The following SMG7 variants were observed in gnomAD, a reference collection of about 807,000 sequenced individuals.
SMG7 encodes SMG7 nonsense mediated mRNA decay factor.
Under a neutral mutation model 148.2 loss-of-function variants are expected in SMG7, and 34 were observed. That is an observed-to-expected ratio of 0.23 (90% CI 0.17 to 0.31). The LOEUF (loss-of-function observed/expected upper bound fraction) is 0.31. Ranked by LOEUF, SMG7 falls within the 10% of genes least tolerant of loss-of-function variation. The pLI, the probability that SMG7 is intolerant of heterozygous loss-of-function variation, is 1.00. For missense variants in SMG7, 1,114 were observed against 1,408.4 expected (o/e 0.79, Z 3.35); for synonymous variants, 492 against 515.1 (o/e 0.96, Z 0.61).
chr1:183,540,006 C>A (rs1262079722), intron 12 of SMG7, among the ~76,000 whole-genome samples: 1 of 152,192 alleles, frequency 6.6e-6, no homozygotes, highest in Non-Finnish European at 1.5e-5. Context: ...TGCTCAAGTT[C>A]CAGCACTATC....
rs373484222 is a variant in SMG7 at position 183,549,720 on chromosome 1, C to G, written c.2974-44C>G. On this transcript the variant is annotated intron_variant, in intron 19 of 22. Transcript: ENST00000688051. ...CAAGACATTGGATTTTCTCAAATCT[C>G]TTTCCTTGGGGTGAGTTTATAACTT... The G allele has an allele frequency of 3.9e-6, 6 of 1,548,088 alleles. No individual in the cohort carries two copies. The African/African-American group carries it at 4.1e-5, about 11-fold the overall frequency.
At position 183,544,465 on chromosome 1, in the gene SMG7, C is replaced by T; in HGVS notation, c.1955C>T (p.Pro652Leu). Reference protein sequence around the residue: ...SNSQFIPIHHPGAFPPLPSRP... With the variant: ...SNSQFIPIHHLGAFPPLPSRP... ...TCCCAGTTCATCCCCATTCATCACC[C>T]TGGAGCCTTCCCTCCTCTTCCCAGC... The change falls in exon 15 of 23, where the codon CCT (proline) becomes CTT (leucine). Residue 652 changes from proline (P) to leucine (L), a missense_variant. Around this residue, in one of 4 missense-constraint regions of SMG7, gnomAD observed 788 missense variants for 894.5 expected, o/e 0.88. Coordinates refer to ENST00000688051, the MANE Select transcript of SMG7 (RefSeq NM_001375584.1). The T allele has an allele frequency of 2.5e-6, 4 of 1,613,928 alleles. No individual in the cohort carries two copies. The highest frequency in any genetic ancestry group is 3.4e-6 in the Non-Finnish European group (4 of 1,179,856).
chr1:183,547,359 TTC>T, intron 18 of SMG7, 107 bp downstream of exon 18: 1 of 1,052,462 alleles, frequency 9.5e-7, no homozygotes, highest in Admixed American at 3.2e-5. Flanking sequence ...GGCTGTCCTT[TTC>T]AGAACTGTAA....
chr1:183,508,135 A>C, intron 1 of SMG7: 1 of 976,020 alleles, frequency 1.0e-6, no homozygotes, highest in South Asian at 4.7e-5. Flanking sequence ...GTAAACTTCA[A>C]TGTTAATTCA....
At chr1:183,503,597 A>G (rs1660234064) in intron 1 of SMG7, among the ~76,000 whole-genome samples, 2 of 152,044 alleles carry the variant, frequency 1.3e-5, no homozygotes, top group African/African-American at 4.8e-5. Context: ...GTCTTTTTCA[A>G]CCCAATGTGC....
Position 183,544,617 on chromosome 1 carries a change from C to G in SMG7, c.1987+120C>G, listed in dbSNP as rs1669559376. 6.7e-6 allele frequency: 7 copies of G among 1,049,078 alleles called. No homozygotes were observed. The East Asian group carries it at 1.8e-4, about 26-fold the overall frequency. 65.0% of individuals were successfully genotyped at this position (1,049,078 alleles called of 1,614,324 possible). A position where few individuals can be genotyped will look rare whatever the true frequency, so the allele number is the denominator to read the frequency against. On this transcript the variant is annotated intron_variant, in intron 15 of 22. Coordinates refer to ENST00000688051, the MANE Select transcript of SMG7 (RefSeq NM_001375584.1). Reference sequence around the variant, plus strand: ...ACTAAGCCATAAAAAGTTCTATTTTCCCTAATACTTATAAAATTATTTTTG... The same window carrying G: ...ACTAAGCCATAAAAAGTTCTATTTTGCCTAATACTTATAAAATTATTTTTG...
chr1:183,521,431 T>C (rs547648081), intron 4 of SMG7, among the ~76,000 whole-genome samples: 36 of 152,318 alleles, frequency 2.4e-4, no homozygotes, highest in African/African-American at 8.4e-4. Context: ...CTTTAATCAA[T>C]AATTGAAACG....
At chr1:183,487,405 C>T (rs1170136474) in intron 1 of SMG7, among the ~76,000 whole-genome samples, 1 of 152,170 alleles carries the variant, frequency 6.6e-6, no homozygotes, top group Non-Finnish European at 1.5e-5. Flanking sequence ...TAATTCAATA[C>T]ACTCTCCCTT....
intron 8 of SMG7, among the ~76,000 whole-genome samples, chr1:183,530,897 A>G (rs890413109): frequency 4.6e-5 from 7 of 152,062 alleles, no homozygotes; most frequent in African/African-American, 1.2e-4. Flanking sequence ...ATCTTCACTA[A>G]CTAAGTTATT....
intron 1 of SMG7, among the ~76,000 whole-genome samples, chr1:183,510,591 G>A (rs1169675656): frequency 3.9e-5 from 6 of 152,058 alleles, no homozygotes; most frequent in African/African-American, 7.2e-5. Context: ...TTGAGATTCT[G>A]TTGTTTGAAA....
At position 183,517,821 on chromosome 1, in the gene SMG7, G is replaced by A. The variant is rs1232187142; in HGVS notation, c.312+1G>A. The stretch of plus-strand genomic sequence containing the variant: ...GGCAGCTAGTGGCTTCTATACTCAG[G>A]TGAGTTCTGCATTGTATACCAGTTT... On this transcript the variant is annotated splice_donor_variant, in intron 4 of 22. Coordinates refer to ENST00000688051, the MANE Select transcript of SMG7 (RefSeq NM_001375584.1). LOFTEE classifies it high-confidence loss of function. 1 of 1,613,946 alleles carries A rather than the reference G, an allele frequency of 6.2e-7. No homozygotes were observed. Among genetic ancestry groups the A allele is most frequent in the African/African-American group, 1.3e-5 (1 of 74,934 alleles).
At chr1:183,476,934 A>G (rs1026342090) in intron 1 of SMG7, among the ~76,000 whole-genome samples, 12 of 152,160 alleles carry the variant, frequency 7.9e-5, no homozygotes, top group East Asian at 5.8e-4. Context: ...ATTGAATACA[A>G]TTCATTTGAT....
rs565224971 is a variant in SMG7 at position 183,505,384 on chromosome 1, A to G, written c.30-7453A>G. Among the ~76,000 whole-genome samples, 5 of 151,928 alleles carry G rather than the reference A, an allele frequency of 3.3e-5. No individual in the cohort carries two copies. In the South Asian group the frequency reaches 1.0e-3, roughly 32 times the overall value. On this transcript the variant is annotated intron_variant, in intron 1 of 22. Coordinates refer to ENST00000688051, the MANE Select transcript of SMG7 (RefSeq NM_001375584.1). ...CTTCCTTTTTGTTCTCTTATTTTCT[A>G]TACTCCACTCTTCCCTTGCTGTCAT...
chr1:183,493,902 T>C (rs181162357), intron 1 of SMG7, among the ~76,000 whole-genome samples: 5 of 152,314 alleles, frequency 3.3e-5, no homozygotes, highest in Non-Finnish European at 5.9e-5. Context: ...TTCTGCCTAC[T>C]TTTTGTTAGT....
At chr1:183,508,643 G>A (rs1661489857) in intron 1 of SMG7, among the ~76,000 whole-genome samples, 1 of 152,122 alleles carries the variant, frequency 6.6e-6, no homozygotes, top group South Asian at 2.1e-4. Flanking sequence ...TTAGGGGTGG[G>A]AAGATAGAGA....
At chr1:183,474,765 A>G (rs1034067693) in intron 1 of SMG7, among the ~76,000 whole-genome samples, 1 of 151,854 alleles carries the variant, frequency 6.6e-6, no homozygotes, top group Non-Finnish European at 1.5e-5. Flanking sequence ...AAAAAGAACA[A>G]CTCCACCCTC....
At chr1:183,520,623 A>G (rs1664554370) in intron 4 of SMG7, among the ~76,000 whole-genome samples, 1 of 152,194 alleles carries the variant, frequency 6.6e-6, no homozygotes, top group Non-Finnish European at 1.5e-5. Flanking sequence ...GGGGGAAGGC[A>G]TCTACCTTCT....
intron 10 of SMG7, among the ~76,000 whole-genome samples, chr1:183,536,341 A>G (rs941693900): frequency 4.6e-5 from 7 of 152,138 alleles, no homozygotes; most frequent in African/African-American, 1.7e-4. Context: ...ATGAACACTC[A>G]AACTACTTGG....
intron 4 of SMG7, among the ~76,000 whole-genome samples, chr1:183,519,796 T>TG (rs1664359943): frequency 6.6e-6 from 1 of 152,212 alleles, no homozygotes; most frequent in Non-Finnish European, 1.5e-5. Context: ...TTTTCCTTGT[T>TG]AACAGTTTAG....
Sources: gnomAD v4.1 joint callset for allele counts (sites outside exome capture counted in the v4.1 genomes callset) on GRCh38, gnomAD v4.1.1 for gene constraint, gnomAD v4.1.1 regional missense constraint, MANE v1.5 for transcripts, NCBI Gene and HGNC (gene_info 2026-07-23, HGNC 2026-07-21) for gene names.